The following DGKI variants were observed in gnomAD, a reference collection of about 807,000 sequenced individuals.
The protein encoded by DGKI is DAG kinase iota.
Under a neutral mutation model 147.5 loss-of-function variants are expected in DGKI, and 55 were observed. That is an observed-to-expected ratio of 0.37 (90% CI 0.30 to 0.47). The LOEUF (loss-of-function observed/expected upper bound fraction) is 0.47, where lower values mean the gene tolerates loss of function less well. Among genes scored for constraint, DGKI ranks in the 20% least tolerant of loss-of-function variants. DGKI has a pLI of 1.00. For synonymous variants in DGKI, 469 were observed against 477.1 expected (o/e 0.98, Z 0.22); for missense variants, 1,007 against 1,323.8 (o/e 0.76, Z 3.71).
intron 13 of DGKI, among the ~76,000 whole-genome samples, chr7:137,586,306 T>G (rs113969536): frequency 6.6e-6 from 1 of 152,028 alleles, no homozygotes; most frequent in Non-Finnish European, 1.5e-5. Flanking sequence ...CGGGCACCTG[T>G]AATCCCAGCT....
At chr7:137,821,368 T>C (rs757924649) in intron 1 of DGKI, among the ~76,000 whole-genome samples, 5 of 148,564 alleles carry the variant, frequency 3.4e-5, no homozygotes, top group Admixed American at 6.7e-5. Context: ...GAAAAAAAGA[T>C]GTAAAATTAC....
intron 10 of DGKI, among the ~76,000 whole-genome samples, chr7:137,606,552 C>T (rs1157356921): frequency 6.6e-6 from 1 of 152,208 alleles, no homozygotes; most frequent in Non-Finnish European, 1.5e-5. Context: ...TCTTAGGGCC[C>T]ACCCCGACTT....
chr7:137,403,492 G>A (rs980762619), intron 30 of DGKI, among the ~76,000 whole-genome samples: 6 of 152,074 alleles, frequency 3.9e-5, no homozygotes, highest in Admixed American at 1.3e-4. Context: ...TGATGGTGGC[G>A]GCCCACACTC....
At chr7:137,844,070 C>T (rs914646984) in intron 1 of DGKI, among the ~76,000 whole-genome samples, 35 of 152,200 alleles carry the variant, frequency 2.3e-4, no homozygotes, top group East Asian at 3.9e-4. Context: ...ACCAAGGAGC[C>T]GACCCTCAGC....
intron 1 of DGKI, among the ~76,000 whole-genome samples, chr7:137,788,034 T>C (rs1474397818): frequency 2.0e-5 from 3 of 152,108 alleles, no homozygotes; most frequent in Non-Finnish European, 4.4e-5. Context: ...TAAAAACCTA[T>C]TGAAATAAAA....
chr7:137,586,629 C>T (rs1355699753), intron 13 of DGKI, among the ~76,000 whole-genome samples: 2 of 151,960 alleles, frequency 1.3e-5, no homozygotes, highest in African/African-American at 4.8e-5. Flanking sequence ...CAGGTAAGTA[C>T]CTATACAGCC....
chr7:137,527,434 G>A (rs561001159), intron 20 of DGKI, among the ~76,000 whole-genome samples: 4 of 152,270 alleles, frequency 2.6e-5, no homozygotes, highest in African/African-American at 9.6e-5. Context: ...TCAGTGGAAT[G>A]TCGCTATCCA....
intron 17 of DGKI, among the ~76,000 whole-genome samples, chr7:137,576,796 C>T (rs1179224445): frequency 6.6e-6 from 1 of 152,160 alleles, no homozygotes; most frequent in African/African-American, 2.4e-5. Context: ...TCAGATTATC[C>T]TGGAATAAAG....
chr7:137,566,994 G>A (rs1025533419), intron 19 of DGKI, among the ~76,000 whole-genome samples: 5 of 106,848 alleles, frequency 4.7e-5, no homozygotes, highest in African/African-American at 3.5e-4. Context: ...GCCAGGCATG[G>A]TGGCTCATGC....
In DGKI at chr7:137,645,444, C is replaced by A. The variant is rs201544838; in HGVS notation, c.804+28G>T. On this transcript the variant is annotated intron_variant, in intron 6 of 32. Coordinates refer to ENST00000614521, the MANE Select transcript of DGKI (RefSeq NM_001321708.2). ...TTGCAGAGGCCTGGGGAGCCTCCTGCGAGGCCATGAGGTGGCTGGGCTCTT... is the reference window on the plus strand; with the variant it reads ...TTGCAGAGGCCTGGGGAGCCTCCTGAGAGGCCATGAGGTGGCTGGGCTCTT... The A allele has an allele frequency of 2.5e-6, 4 of 1,606,366 alleles. No individual in the cohort carries two copies. In the South Asian group the frequency reaches 4.4e-5, roughly 18 times the overall value.
At chr7:137,594,919 A>G (rs1356461440) in intron 12 of DGKI, among the ~76,000 whole-genome samples, 1 of 152,242 alleles carries the variant, frequency 6.6e-6, no homozygotes, top group Admixed American at 6.5e-5. Context: ...AAGTATTTTA[A>G]CTACAGATGT....
At chr7:137,807,620 C>T (rs543883310) in intron 1 of DGKI, among the ~76,000 whole-genome samples, 3 of 152,294 alleles carry the variant, frequency 2.0e-5, no homozygotes, top group South Asian at 4.2e-4. Context: ...ATAGTCCATC[C>T]GTGTTCTCTG....
chr7:137,506,679 G>T (rs1225169520), intron 21 of DGKI, among the ~76,000 whole-genome samples: 1 of 152,150 alleles, frequency 6.6e-6, no homozygotes, highest in African/African-American at 2.4e-5. Flanking sequence ...ATAAAGGGGA[G>T]AACTGTGTGT....
chr7:137,604,175 A>C (rs1012731193), intron 10 of DGKI, among the ~76,000 whole-genome samples: 1 of 152,184 alleles, frequency 6.6e-6, no homozygotes, highest in Non-Finnish European at 1.5e-5. Flanking sequence ...CTGGACAAGA[A>C]GATGTTGAGG....
At chr7:137,453,233 C>T (rs1814046829) in intron 27 of DGKI, 1 of 152,170 alleles carries the variant, frequency 6.6e-6, no homozygotes, top group African/African-American at 2.4e-5. Context: ...CATCTCTGTG[C>T]AATAGCTTTC....
At chr7:137,541,544 G>C (rs1817704307) in intron 20 of DGKI, among the ~76,000 whole-genome samples, 1 of 152,134 alleles carries the variant, frequency 6.6e-6, no homozygotes, top group Non-Finnish European at 1.5e-5. Context: ...AGGGAGTTGA[G>C]CATCTAGAAT....
At chr7:137,675,683 CA>C (rs61282606) in intron 3 of DGKI, among the ~76,000 whole-genome samples, 3,192 of 107,454 alleles carry the variant, frequency 0.03, 85 homozygotes, top group African/African-American at 0.099. Context: ...AGACTACATC[CA>C]AAAAAAAAAA....
At chr7:137,649,832 T>A (rs1821962377) in intron 5 of DGKI, among the ~76,000 whole-genome samples, 1 of 150,454 alleles carries the variant, frequency 6.6e-6, no homozygotes, top group South Asian at 2.1e-4. Context: ...CATAACCCAG[T>A]CCGTTATGGC....
chr7:137,653,441 C>T (rs956970381), intron 5 of DGKI, among the ~76,000 whole-genome samples: 1 of 152,206 alleles, frequency 6.6e-6, no homozygotes, highest in Non-Finnish European at 1.5e-5. Flanking sequence ...TGATAAAACA[C>T]TCAACTTGCA....
Sources: gnomAD v4.1 joint callset for allele counts (sites outside exome capture counted in the v4.1 genomes callset) on GRCh38, gnomAD v4.1.1 for gene constraint, MANE v1.5 for transcripts, NCBI Gene and HGNC (gene_info 2026-07-23, HGNC 2026-07-21) for gene names.